Variants in ADK observed in about 807,000 individuals in gnomAD.
ADK encodes the protein adenosine kinase.
ADK carries 24 observed loss-of-function variants against 44.7 expected under a neutral mutation model. The ratio of observed to expected loss-of-function variants is 0.54; its 90% confidence interval spans 0.39 to 0.76. ADK has a LOEUF of 0.76. Among genes scored for constraint, ADK ranks in the 30% least tolerant of loss-of-function variants. The pLI is 0.00. For synonymous variants in ADK, 128 were observed against 142.6 expected (o/e 0.90, Z 0.73); for missense variants, 321 against 425.1 (o/e 0.76, Z 2.15).
chr10:74,366,254 A>G (rs895291435), intron 4 of ADK, among the ~76,000 whole-genome samples: 1 of 152,136 alleles, frequency 6.6e-6, no homozygotes, highest in Non-Finnish European at 1.5e-5. Flanking sequence ...AAGTATTTTA[A>G]GTCTTTATAC....
chr10:74,196,665 TGTAA>T (rs1156433140), intron 1 of ADK, among the ~76,000 whole-genome samples: 2 of 152,214 alleles, frequency 1.3e-5, no homozygotes, highest in African/African-American at 4.8e-5. Flanking sequence ...TACTTTCAGT[TGTAA>T]GTAACTAAAA....
chr10:74,347,106 C>CAA lies in ADK; in HGVS notation c.273+32396_273+32397dup, dbSNP rs58074760. Among the ~76,000 whole-genome samples, 576 of 92,184 alleles carry CAA rather than the reference C, an allele frequency of 6.2e-3. 85 individuals are homozygous for CAA. The highest frequency in any genetic ancestry group is 0.017 in the East Asian group (37 of 2,182). The allele number at this position is 92,184 out of a possible 152,430, so 60.5% of individuals were successfully genotyped here. A position where few individuals can be genotyped will look rare whatever the true frequency, so the allele number is the denominator to read the frequency against. On this transcript the variant is annotated intron_variant, in intron 4 of 10. Coordinates refer to ENST00000539909, the MANE Select transcript of ADK (RefSeq NM_006721.4). ...TGGGCGACAGAGCGACACTCTGTCT[C>CAA]AAAAAAAAAAAAAAAAAAAAAAAAA...
intron 6 of ADK, among the ~76,000 whole-genome samples, chr10:74,486,652 T>C (rs1847277628): frequency 1.3e-5 from 2 of 152,182 alleles, no homozygotes; most frequent in Non-Finnish European, 2.9e-5. Context: ...TTGACCCAAA[T>C]AATGATCCAA....
chr10:74,705,090 A>G (rs902396416), intron 10 of ADK, among the ~76,000 whole-genome samples: 1 of 152,226 alleles, frequency 6.6e-6, no homozygotes, highest in Non-Finnish European at 1.5e-5. Context: ...TGACTGGGAA[A>G]AGTCTGTGTG....
chr10:74,514,914 T>G (rs1848502192), intron 6 of ADK, among the ~76,000 whole-genome samples: 1 of 152,146 alleles, frequency 6.6e-6, no homozygotes, highest in Admixed American at 6.5e-5. Flanking sequence ...AGCCTCTACC[T>G]CGTATGCTCG....
At chr10:74,573,690 C>T (rs941633893) in intron 7 of ADK, among the ~76,000 whole-genome samples, 8 of 152,198 alleles carry the variant, frequency 5.3e-5, no homozygotes. Context: ...CTTTGTTTAC[C>T]CAAGCAAGCC....
At chr10:74,208,041 GCAC>G in intron 2 of ADK, among the ~76,000 whole-genome samples, 1 of 152,240 alleles carries the variant, frequency 6.6e-6, no homozygotes, top group Non-Finnish European at 1.5e-5. Flanking sequence ...GCTGCCCCGA[GCAC>G]ATGCACACCT....
chr10:74,633,300 AT>A (rs1243138600), intron 9 of ADK, among the ~76,000 whole-genome samples: 5 of 152,066 alleles, frequency 3.3e-5, no homozygotes, highest in African/African-American at 9.7e-5. Flanking sequence ...AGATTGTTCC[AT>A]TTTTTTATAG....
intron 3 of ADK, among the ~76,000 whole-genome samples, chr10:74,277,894 T>A (rs1235367089): frequency 6.6e-6 from 1 of 152,222 alleles, no homozygotes; most frequent in Non-Finnish European, 1.5e-5. Flanking sequence ...TTTATGTATA[T>A]TTGATAAAAA....
intron 6 of ADK, among the ~76,000 whole-genome samples, chr10:74,476,357 G>GTGACACATGC (rs1347922788): frequency 6.6e-6 from 1 of 151,952 alleles, no homozygotes; most frequent in African/African-American, 2.4e-5. Flanking sequence ...GCCGGGCGTA[G>GTGACACATGC]TGACACATGC....
At chr10:74,179,861 TTTC>T (rs1243011327) in intron 1 of ADK, among the ~76,000 whole-genome samples, 1 of 152,240 alleles carries the variant, frequency 6.6e-6, no homozygotes, top group Admixed American at 6.5e-5. Flanking sequence ...CCTTGAATTC[TTTC>T]TTGCATGATG....
At chr10:74,517,770 A>T (rs953995709) in intron 6 of ADK, among the ~76,000 whole-genome samples, 1 of 151,964 alleles carries the variant, frequency 6.6e-6, no homozygotes, top group Non-Finnish European at 1.5e-5. Context: ...CAGGAAGAAG[A>T]TCCAAGTGAA....
intron 1 of ADK, among the ~76,000 whole-genome samples, chr10:74,164,152 G>A (rs1841974555): frequency 6.6e-6 from 1 of 152,282 alleles, no homozygotes; most frequent in Non-Finnish European, 1.5e-5. Context: ...TCATCCAAAT[G>A]TATTAAATTT....
At chr10:74,571,929 C>G (rs1157044154) in intron 7 of ADK, among the ~76,000 whole-genome samples, 1 of 152,186 alleles carries the variant, frequency 6.6e-6, no homozygotes, top group South Asian at 2.1e-4. Flanking sequence ...CTGAATACAG[C>G]ACACTGATGG....
At position 74,303,585 on chromosome 10, in the gene ADK, G is replaced by GTTTTTTTTTTTTTTTTTTTTTTTTTT. The variant is rs1282565148; in HGVS notation, c.195-11080_195-11079insTTTTTTTTTTTTTTTTTTTTTTTTTT. On this transcript the variant is annotated intron_variant, in intron 3 of 10. Coordinates refer to ENST00000539909, the MANE Select transcript of ADK (RefSeq NM_006721.4). ...AAACACTTTTCATATTGGTTTTAAT[G>GTTTTTTTTTTTTTTTTTTTTTTTTTT]TTGTTTTTTTTTTTTTTTTTTTTTT... is the stretch of plus-strand genomic sequence containing the variant. 3.7e-3 allele frequency among the ~76,000 whole-genome samples: 238 copies of GTTTTTTTTTTTTTTTTTTTTTTTTTT among 64,640 alleles called. 84 individuals are homozygous for GTTTTTTTTTTTTTTTTTTTTTTTTTT. Among genetic ancestry groups the GTTTTTTTTTTTTTTTTTTTTTTTTTT allele is most frequent in the South Asian group, 4.4e-3 (9 of 2,024 alleles). 42.4% of individuals were successfully genotyped at this position (64,640 alleles called of 152,430 possible).
intron 1 of ADK, among the ~76,000 whole-genome samples, chr10:74,156,912 C>T (rs952733707): frequency 1.2e-4 from 18 of 152,116 alleles, no homozygotes; most frequent in African/African-American, 4.3e-4. Flanking sequence ...ATAAACATCT[C>T]CAGGGACCAA....
At chr10:74,335,393 G>A (rs1029442042) in intron 4 of ADK, among the ~76,000 whole-genome samples, 9 of 152,096 alleles carry the variant, frequency 5.9e-5, no homozygotes, top group African/African-American at 2.2e-4. Flanking sequence ...ACTTTCTTCA[G>A]TTGACGTAAG....
intron 6 of ADK, among the ~76,000 whole-genome samples, chr10:74,468,727 T>C (rs1315170826): frequency 6.6e-6 from 1 of 152,192 alleles, no homozygotes; most frequent in Non-Finnish European, 1.5e-5. Context: ...TAGAAAACTT[T>C]TAATCATACA....
intron 3 of ADK, among the ~76,000 whole-genome samples, chr10:74,246,190 T>G (rs1241503519): frequency 6.6e-6 from 1 of 152,176 alleles, no homozygotes; most frequent in African/African-American, 2.4e-5. Context: ...AAAGTAATAC[T>G]AAGACTGTGT....
Sources: allele counts gnomAD v4.1 joint callset (sites outside exome capture counted in the v4.1 genomes callset), GRCh38; gene constraint gnomAD v4.1.1; transcripts MANE v1.5; gene names NCBI Gene and HGNC (gene_info 2026-07-23, HGNC 2026-07-21).